Variants in SEL1L2 observed in about 807,000 individuals in gnomAD.
The protein encoded by SEL1L2 is protein sel-1 homolog 2.
A neutral mutation model predicts 98.8 loss-of-function variants in SEL1L2; 89 were observed. That is an observed-to-expected ratio of 0.90 (90% confidence interval 0.76 to 1.07). SEL1L2 has a LOEUF of 1.07. Ranked by LOEUF, SEL1L2 falls within the 50% of genes least tolerant of loss-of-function variation. The pLI, the probability that SEL1L2 is intolerant of heterozygous loss-of-function variation, is 0.00. For synonymous variants in SEL1L2, 262 were observed against 278.5 expected, an observed-to-expected ratio of 0.94 and a Z score of 0.59; for missense variants, 788 against 812.0, an observed-to-expected ratio of 0.97 and a Z score of 0.36.
intron 2 of SEL1L2, among the ~76,000 whole-genome samples, chr20:13,949,281 A>G (rs572876603): frequency 1.3e-5 from 2 of 152,360 alleles, no homozygotes; most frequent in South Asian, 4.1e-4. Context: ...GCCCATGGAA[A>G]TCTGCTCTGC....
chr20:13,857,220 T>C (rs976247755), intron 18 of SEL1L2, among the ~76,000 whole-genome samples: 21 of 150,108 alleles, frequency 1.4e-4, no homozygotes, highest in Middle Eastern at 3.4e-3. Context: ...TTTTTTTTAA[T>C]GTAGAGACTT....
At chr20:13,891,632 A>G (rs1260584250) in intron 5 of SEL1L2, among the ~76,000 whole-genome samples, 1 of 140,764 alleles carries the variant, frequency 7.1e-6, no homozygotes, top group Non-Finnish European at 1.5e-5. Context: ...ATGCCACTGC[A>G]CTCTAGCCTG....
chr20:13,943,405 A>T (rs1006743636), intron 2 of SEL1L2, among the ~76,000 whole-genome samples: 2 of 152,172 alleles, frequency 1.3e-5, no homozygotes, highest in African/African-American at 4.8e-5. Flanking sequence ...AAGGAGCAGA[A>T]AATTATAGTT....
chr20:13,966,350 G>C (rs1042483744), intron 1 of SEL1L2, among the ~76,000 whole-genome samples: 1 of 151,064 alleles, frequency 6.6e-6, no homozygotes, highest in Admixed American at 6.6e-5. Context: ...GCGGAGTTTC[G>C]CTCTGTCGCC....
intron 15 of SEL1L2, among the ~76,000 whole-genome samples, chr20:13,865,849 G>C (rs1429101015): frequency 2.0e-5 from 3 of 151,994 alleles, no homozygotes. Context: ...GTGTGTGTGT[G>C]TGTGTGTGTT....
intron 2 of SEL1L2, among the ~76,000 whole-genome samples, chr20:13,948,974 A>C (rs917333570): frequency 6.6e-6 from 1 of 152,236 alleles, no homozygotes; most frequent in African/African-American, 2.4e-5. Flanking sequence ...CCAAAAAACT[A>C]TCTATGGAAC....
intron 1 of SEL1L2, among the ~76,000 whole-genome samples, chr20:13,960,095 C>T (rs1848468994): frequency 6.6e-6 from 1 of 152,112 alleles, no homozygotes; most frequent in Non-Finnish European, 1.5e-5. Flanking sequence ...TTTTTAAACT[C>T]CATTATCACA....
intron 2 of SEL1L2, 34 bp from the exon 3 acceptor site, chr20:13,931,805 A>C (rs2049157496): frequency 6.2e-6 from 9 of 1,444,192 alleles, no homozygotes; most frequent in Non-Finnish European, 8.2e-6. Flanking sequence ...CATTTTGTTC[A>C]TGTGTGAGTT....
At chr20:13,972,833 T>C (rs539475506) in intron 1 of SEL1L2, among the ~76,000 whole-genome samples, 1 of 152,340 alleles carries the variant, frequency 6.6e-6, no homozygotes, top group South Asian at 2.1e-4. Context: ...TCATTATCCA[T>C]AAAGTACTCA....
intron 5 of SEL1L2, among the ~76,000 whole-genome samples, chr20:13,908,103 CTTTTTTTTTTTTTTTTTTTTTTT>C (rs71188195): frequency 2.6e-4 from 7 of 26,726 alleles, no homozygotes; most frequent in African/African-American, 3.2e-4. Context: ...TTTCTTGGTT[CTTTTTTTTTTTTTTTTTTTTTTT>C]TTTTTTTTTG....
chr20:13,976,219 C>A (rs915514600), intron 1 of SEL1L2, among the ~76,000 whole-genome samples: 4 of 151,878 alleles, frequency 2.6e-5, no homozygotes, highest in African/African-American at 9.7e-5. Flanking sequence ...CCAGGCTGGT[C>A]TCGATCTCCT....
chr20:13,956,343 A>G (rs532538531), intron 1 of SEL1L2, among the ~76,000 whole-genome samples: 1 of 152,302 alleles, frequency 6.6e-6, no homozygotes, highest in South Asian at 2.1e-4. Flanking sequence ...CACCAGAGAC[A>G]ATCTATATAC....
intron 1 of SEL1L2, among the ~76,000 whole-genome samples, chr20:13,966,497 T>C (rs1438845949): frequency 6.6e-6 from 1 of 152,118 alleles, no homozygotes; most frequent in Non-Finnish European, 1.5e-5. Context: ...TTTTCTATTT[T>C]TTAGTAGAGA....
intron 5 of SEL1L2, among the ~76,000 whole-genome samples, chr20:13,891,269 C>A (rs1283410539): frequency 6.6e-6 from 1 of 152,084 alleles, no homozygotes; most frequent in African/African-American, 2.4e-5. Flanking sequence ...AGAGAAAAGC[C>A]ACTGGTCACA....
At chr20:13,912,552 C>A (rs929690488) in intron 5 of SEL1L2, among the ~76,000 whole-genome samples, 5 of 152,196 alleles carry the variant, frequency 3.3e-5, no homozygotes, top group African/African-American at 1.2e-4. Context: ...CCACCTTGGC[C>A]TCCCAAAGTG....
At chr20:13,992,586 G>A (rs2052566440), upstream of SEL1L2, among the ~76,000 whole-genome samples, 1 of 152,084 alleles carries the variant, frequency 6.6e-6, no homozygotes, top group Non-Finnish European at 1.5e-5. Context: ...GAATGGGGGT[G>A]GTATGGAGCA....
At chr20:13,926,394 G>A (rs1187749632) in intron 3 of SEL1L2, among the ~76,000 whole-genome samples, 2 of 152,178 alleles carry the variant, frequency 1.3e-5, no homozygotes, top group Admixed American at 1.3e-4. Context: ...GTTGGACTGG[G>A]CAGAGGGAGA....
intron 10 of SEL1L2, among the ~76,000 whole-genome samples, chr20:13,881,836 T>C (rs2046715920): frequency 6.6e-6 from 1 of 152,226 alleles, no homozygotes; most frequent in Non-Finnish European, 1.5e-5. Context: ...AATATTAGCA[T>C]GCTGGCTCAA....
At chr20:13,959,340 T>C (rs2050681830) in intron 1 of SEL1L2, among the ~76,000 whole-genome samples, 1 of 152,126 alleles carries the variant, frequency 6.6e-6, no homozygotes, top group Non-Finnish European at 1.5e-5. Context: ...CACCCAAAAA[T>C]GGTCATGGTC....
Sources: gnomAD v4.1 joint callset for allele counts (sites outside exome capture counted in the v4.1 genomes callset) on GRCh38, gnomAD v4.1.1 for gene constraint, MANE v1.5 for transcripts, NCBI Gene and HGNC (gene_info 2026-07-23, HGNC 2026-07-21) for gene names.